THSD4: variants seen among roughly 807,000 people sequenced by gnomAD.
THSD4 encodes the protein thrombospondin type 1 domain containing 4.
In THSD4, 69 loss-of-function variants were observed where a neutral mutation model predicts 119.0. That is an observed-to-expected ratio of 0.58 (90% confidence interval 0.48 to 0.71). The LOEUF (loss-of-function observed/expected upper bound fraction) is 0.71, where lower values mean the gene tolerates loss of function less well. THSD4 is among the 30% of genes least tolerant of loss of function. The pLI is 0.00. For synonymous variants in THSD4, 524 were observed against 540.4 expected (o/e 0.97, Z 0.42); for missense variants, 1,393 against 1,391.1 (o/e 1.00, Z -0.02).
chr15:71,625,881 T>C (rs892358503), intron 7 of THSD4, among the ~76,000 whole-genome samples: 2 of 152,144 alleles, frequency 1.3e-5, no homozygotes, highest in Non-Finnish European at 2.9e-5. Context: ...AGACTGGCAG[T>C]CCATAATCCT....
At chr15:71,228,573 A>C (rs779496802) in intron 4 of THSD4, among the ~76,000 whole-genome samples, 1 of 152,194 alleles carries the variant, frequency 6.6e-6, no homozygotes, top group Non-Finnish European at 1.5e-5. Context: ...TGCATAAACT[A>C]TCTTTAGTGT....
At chr15:71,530,668 C>A (rs910642664) in intron 7 of THSD4, among the ~76,000 whole-genome samples, 2 of 152,244 alleles carry the variant, frequency 1.3e-5, no homozygotes, top group African/African-American at 4.8e-5. Context: ...CAAAATATCT[C>A]CTCATCCAGT....
intron 6 of THSD4, among the ~76,000 whole-genome samples, chr15:71,391,617 G>A (rs902558385): frequency 9.9e-5 from 15 of 152,220 alleles, no homozygotes; most frequent in African/African-American, 3.4e-4. Flanking sequence ...CAGAGGAAGG[G>A]CGGGCGACCA....
chr15:71,366,532 T>A (rs1374520802), intron 6 of THSD4, among the ~76,000 whole-genome samples: 2 of 152,130 alleles, frequency 1.3e-5, no homozygotes, highest in African/African-American at 4.8e-5. Flanking sequence ...AACATTGAAC[T>A]ATATTTCCCA....
chr15:71,165,537 A>T, intron 3 of THSD4: 1 of 739,658 alleles, frequency 1.4e-6, no homozygotes, highest in Non-Finnish European at 2.2e-6. Context: ...TTGTAATTTT[A>T]TGGATTAACT....
At position 71,215,067 on chromosome 15, in the gene THSD4, C is replaced by G. The variant is rs1280070604; in HGVS notation, c.132C>G (p.Pro44=). The G allele has an allele frequency of 4.6e-6, 6 of 1,298,744 alleles. No homozygotes were observed. In the African/African-American group the frequency reaches 6.2e-5, roughly 13 times the overall value. The allele number at this position is 1,298,744 out of a possible 1,614,324, so 80.5% of individuals were successfully genotyped here. A position where few individuals can be genotyped will look rare whatever the true frequency, so the allele number is the denominator to read the frequency against. The change falls in exon 4 of 18, where the codon CCC becomes CCG. Residue 44 remains proline, a synonymous_variant. Transcript: ENST00000261862. ...VPQRMAAEGA[P]EDDGGGGAPG... ...AGCGGATGGCGGCGGAGGGCGCCCC[C>G]GAGGACGACGGCGGCGGCGGCGCCC...
At chr15:71,510,887 G>A (rs1228407961) in intron 7 of THSD4, among the ~76,000 whole-genome samples, 1 of 152,060 alleles carries the variant, frequency 6.6e-6, no homozygotes. Flanking sequence ...TATATGCTAG[G>A]CTCTTATATA....
At chr15:71,200,580 C>G (rs981993010) in intron 3 of THSD4, among the ~76,000 whole-genome samples, 1 of 152,152 alleles carries the variant, frequency 6.6e-6, no homozygotes, top group African/African-American at 2.4e-5. Flanking sequence ...ATCAAGTGCT[C>G]AAAGCCATTG....
At chr15:71,331,738 T>C (rs1463182164) in intron 6 of THSD4, among the ~76,000 whole-genome samples, 1 of 152,164 alleles carries the variant, frequency 6.6e-6, no homozygotes, top group Non-Finnish European at 1.5e-5. Flanking sequence ...CCAGGACTTT[T>C]TGTGGAGGGA....
intron 6 of THSD4, among the ~76,000 whole-genome samples, chr15:71,271,861 T>G (rs1167664876): frequency 6.6e-6 from 1 of 152,178 alleles, no homozygotes; most frequent in Non-Finnish European, 1.5e-5. Context: ...GGAGAAACAC[T>G]ACAAGACATC....
At position 71,316,138 on chromosome 15, in the gene THSD4, A is replaced by G. The variant is rs965712838; in HGVS notation, c.1015+59423A>G. 2.6e-5 allele frequency among the ~76,000 whole-genome samples: 4 copies of G among 152,270 alleles called. No homozygotes were observed. The East Asian group carries it at 7.8e-4, about 30-fold the overall frequency. On this transcript the variant is annotated intron_variant, in intron 6 of 17. Coordinates refer to ENST00000261862, the MANE Select transcript of THSD4 (RefSeq NM_024817.3). ...CTGCTTGCAAAACAGGCTCTTGGCTATGACTGAAGTTACACACCACTTGAT... is the reference window on the plus strand; with the variant it reads ...CTGCTTGCAAAACAGGCTCTTGGCTGTGACTGAAGTTACACACCACTTGAT...
upstream of THSD4, chr15:71,111,088 G>C (rs2040300808): frequency 2.0e-6 from 3 of 1,518,598 alleles, no homozygotes; most frequent in Non-Finnish European, 2.7e-6. Flanking sequence ...AAGAGGAAAA[G>C]GGGAAATAAT....
chr15:71,556,084 C>T (rs571987237), intron 7 of THSD4, among the ~76,000 whole-genome samples: 1 of 152,174 alleles, frequency 6.6e-6, no homozygotes, highest in African/African-American at 2.4e-5. Flanking sequence ...CAAATCAGTT[C>T]GCATTATTCT....
At chr15:71,636,030 T>C (rs2050732182) in intron 7 of THSD4, among the ~76,000 whole-genome samples, 1 of 152,146 alleles carries the variant, frequency 6.6e-6, no homozygotes, top group Non-Finnish European at 1.5e-5. Flanking sequence ...CCTGGTACAG[T>C]GGAAAGCACG....
chr15:71,687,755 C>CA (rs371746249), intron 8 of THSD4, among the ~76,000 whole-genome samples: 20,440 of 54,696 alleles, frequency 0.37, 1,794 homozygotes, highest in East Asian at 0.53. Flanking sequence ...AACTCTGTCT[C>CA]AAAAAAAAAA....
intron 17 of THSD4, among the ~76,000 whole-genome samples, chr15:71,776,870 G>A (rs2053923251): frequency 6.6e-6 from 1 of 152,144 alleles, no homozygotes; most frequent in African/African-American, 2.4e-5. Context: ...TATCTTTTAT[G>A]TTTAAATGTC....
At chr15:71,593,920 G>A (rs577466377) in intron 7 of THSD4, among the ~76,000 whole-genome samples, 18 of 99,456 alleles carry the variant, frequency 1.8e-4, no homozygotes, top group African/African-American at 5.9e-4. Context: ...CCACCCCCCC[G>A]GCAAAAAAAA....
At chr15:71,297,391 A>G (rs1030800445) in intron 6 of THSD4, among the ~76,000 whole-genome samples, 21 of 147,996 alleles carry the variant, frequency 1.4e-4, no homozygotes, top group Non-Finnish European at 3.1e-4. Flanking sequence ...ACTGGAGTGC[A>G]GTGGCGCAAT....
intron 1 of THSD4, among the ~76,000 whole-genome samples, chr15:71,133,959 G>A (rs2040526895): frequency 6.6e-6 from 1 of 152,180 alleles, no homozygotes; most frequent in African/African-American, 2.4e-5. Context: ...TTTCCTTAAT[G>A]AGTAACAAAA....
Sources: gnomAD v4.1 joint callset for allele counts (sites outside exome capture counted in the v4.1 genomes callset) on GRCh38, gnomAD v4.1.1 for gene constraint, MANE v1.5 for transcripts, NCBI Gene and HGNC (gene_info 2026-07-23, HGNC 2026-07-21) for gene names.